The following ANKRD2 variants were observed in gnomAD, a reference collection of about 807,000 sequenced individuals.
ANKRD2 encodes the protein ankyrin repeat domain-containing protein 2.
In ANKRD2, 35 loss-of-function variants were observed where a neutral mutation model predicts 37.3. The observed-to-expected ratio is 0.94, with a 90% CI of 0.72 to 1.24. The LOEUF is 1.24. Ranked by LOEUF, ANKRD2 falls within the 50% of genes most tolerant of loss-of-function variation. ANKRD2 has a pLI of 0.00. For synonymous variants in ANKRD2, 159 were observed against 186.5 expected (o/e 0.85, Z 1.20); for missense variants, 410 against 445.6 (o/e 0.92, Z 0.72).
upstream of ANKRD2, chr10:97,572,559 G>T: frequency 2.0e-6 from 2 of 989,524 alleles, no homozygotes; most frequent in Non-Finnish European, 2.9e-6. Context: ...CCCTGCTCTT[G>T]GGACACAGTG....
chr10:97,572,684 G>A, upstream of ANKRD2: 4 of 1,588,518 alleles, frequency 2.5e-6, no homozygotes, highest in Non-Finnish European at 3.4e-6. Context: ...GGGGAGGCAG[G>A]TGGAGAATTG....
At position 97,582,361 on chromosome 10, in the gene ANKRD2, A is replaced by T; in HGVS notation, c.701A>T (p.Glu234Val). The change falls in exon 7 of 9, where the codon GAG becomes GTG. Residue 234 changes from glutamate to valine, a missense_variant. Coordinates refer to ENST00000370655, the MANE Select transcript of ANKRD2 (RefSeq NM_001346793.2). ...GTGGCAGTCCGGACAGGGCAGGTGGAGATTGTGGAGCACTTTCTATCCCTG... is the reference window on the plus strand; with the variant it reads ...GTGGCAGTCCGGACAGGGCAGGTGGTGATTGTGGAGCACTTTCTATCCCTG... ...LHVAVRTGQV[E>V]IVEHFLSLGL... The T allele has an allele frequency of 6.4e-7, 1 of 1,561,858 alleles. No individual in the cohort carries two copies. The highest frequency in any genetic ancestry group is 8.7e-7 in the Non-Finnish European group (1 of 1,152,370).
At chr10:97,578,165 A>AATG in intron 2 of ANKRD2, 75 bp from the exon 3 acceptor site, 1 of 261,862 alleles carries the variant, frequency 3.8e-6, no homozygotes, top group Non-Finnish European at 7.3e-6. Context: ...CCTCCCCACC[A>AATG]GCTTAGCTCA....
chr10:97,573,574 G>GCC (rs1200342659), intron 1 of ANKRD2, among the ~76,000 whole-genome samples: 1 of 151,998 alleles, frequency 6.6e-6, no homozygotes, highest in East Asian at 1.9e-4. Context: ...TTACAGGCAT[G>GCC]CACCACCATG....
intron 1 of ANKRD2, among the ~76,000 whole-genome samples, chr10:97,576,668 T>TTTA (rs371802494): frequency 4.3e-5 from 6 of 140,466 alleles, no homozygotes; most frequent in Non-Finnish European, 6.1e-5. Context: ...TTAAAACTTA[T>TTTA]TTTATTTATT....
upstream of ANKRD2, chr10:97,572,533 G>A (rs2040770178): frequency 5.3e-6 from 4 of 758,700 alleles, no homozygotes; most frequent in African/African-American, 1.8e-5. Context: ...GAGGCTGGAC[G>A]GGCTCCTTCC....
chr10:97,580,193 AC>A (rs2040880189), intron 4 of ANKRD2, among the ~76,000 whole-genome samples: 1 of 152,252 alleles, frequency 6.6e-6, no homozygotes, highest in African/African-American at 2.4e-5. Flanking sequence ...AAACAAAAAA[AC>A]AGACCAGGGT....
chr10:97,572,708 A>G (rs764526377), upstream of ANKRD2: 1 of 1,603,246 alleles, frequency 6.2e-7, no homozygotes, highest in Non-Finnish European at 8.5e-7. Context: ...CAGTGAGCTC[A>G]TGGCAAAGGC....
At position 97,577,814 on chromosome 10, in the gene ANKRD2, C is replaced by A. The variant is rs774913027; in HGVS notation, c.102C>A (p.Asp34Glu). The A allele has an allele frequency of 1.3e-6, 2 of 1,565,030 alleles. No individual in the cohort carries two copies. Among genetic ancestry groups the A allele is most frequent in the Non-Finnish European group, 1.7e-6 (2 of 1,154,560 alleles). ...QEEENEKLRG[D>E]ARQKLPMDLL... ...TGGATCACCAGAAACTCCGAGGAGA[C>A]GCACGCCAGAAGCTGCCCATGGACT... The change falls in exon 2 of 9, where the codon GAC (aspartate) becomes GAA (glutamate). Residue 34 changes from aspartate to glutamate, a missense_variant. Transcript: ENST00000370655.
At chr10:97,574,912 A>ACAGACACACAGTGCTGCCAATAGTCC (rs139298969) in intron 1 of ANKRD2, among the ~76,000 whole-genome samples, 2,262 of 152,276 alleles carry the variant, frequency 0.015, 52 homozygotes, top group African/African-American at 0.052. Flanking sequence ...AGACACACAG[A>ACAGACACACAGTGCTGCCAATAGTCC]CCTTCAGCAA....
chr10:97,579,934 C>A (rs1382403823), intron 4 of ANKRD2, among the ~76,000 whole-genome samples: 1 of 152,172 alleles, frequency 6.6e-6, no homozygotes, highest in Non-Finnish European at 1.5e-5. Context: ...CATCACCCAT[C>A]ATACTTCTTT....
intron 1 of ANKRD2, 45 bp downstream of exon 1, chr10:97,572,920 A>T: frequency 6.5e-7 from 1 of 1,531,578 alleles, no homozygotes; most frequent in Non-Finnish European, 8.8e-7. Flanking sequence ...GAGGAGATCC[A>T]GTTCTGCTGT....
rs753150165 is a variant in ANKRD2 at position 97,580,877 on chromosome 10, G to A, written c.479G>A (p.Arg160Gln). The change falls in exon 5 of 9, where the codon CGA (arginine) becomes CAA (glutamine). Residue 160 changes from arginine (R) to glutamine (Q), a missense_variant. Transcript: ENST00000370655. ...CDQFRRTALH[R>Q]ASLEGHMEIL... Reference sequence around the variant, plus strand: ...CAGTTCCGTCGGACAGCACTGCACCGAGCTTCCCTGGAAGGCCACATGGAA... The same window carrying A: ...CAGTTCCGTCGGACAGCACTGCACCAAGCTTCCCTGGAAGGCCACATGGAA... 41 of 1,611,160 alleles carry A rather than the reference G, an allele frequency of 2.5e-5. No individual in the cohort carries two copies. The highest frequency in any genetic ancestry group is 3.4e-5 in the Non-Finnish European group (40 of 1,179,010).
chr10:97,583,802 C>G lies in ANKRD2; in HGVS notation c.*77C>G. ...AGGGTCCTAAGAATGGCTCCCGGAG[C>G]TAACTGAGGGCCCAGCCTTTTTTCT... On this transcript the variant is annotated 3_prime_UTR_variant, in exon 9 of 9. Coordinates refer to ENST00000370655, the MANE Select transcript of ANKRD2 (RefSeq NM_001346793.2). The G allele has an allele frequency of 7.2e-7, 1 of 1,393,396 alleles. No individual in the cohort carries two copies. The highest frequency in any genetic ancestry group is 9.4e-7 in the Non-Finnish European group (1 of 1,066,464). 86.3% of individuals were successfully genotyped at this position (1,393,396 alleles called of 1,614,324 possible).
At chr10:97,572,965 G>A (rs1030463022) in intron 1 of ANKRD2, 90 bp downstream of exon 1, 108 of 1,468,248 alleles carry the variant, frequency 7.4e-5, no homozygotes, top group Non-Finnish European at 9.7e-5. Context: ...TACACCTGTG[G>A]TGGGGAGGGG....
Position 97,578,405 on chromosome 10 carries a change from G to A in ANKRD2, c.348+7G>A. On this transcript the variant is annotated splice_region_variant and intron_variant, in intron 3 of 8. Coordinates refer to ENST00000370655, the MANE Select transcript of ANKRD2 (RefSeq NM_001346793.2). ...CCCAGAGCCCGAGGAGATCGTAAGG[G>A]TCCTGGGGAGGACACCGCGAGGGGG... 4 of 1,613,688 alleles carry A rather than the reference G, an allele frequency of 2.5e-6. No homozygotes were observed. The highest frequency in any genetic ancestry group is 3.4e-6 in the Non-Finnish European group (4 of 1,179,796).
chr10:97,572,525 G>A (rs762679689), upstream of ANKRD2: 128 of 723,496 alleles, frequency 1.8e-4, no homozygotes, highest in Non-Finnish European at 2.7e-4. Context: ...TCAGGACAGA[G>A]GCTGGACGGG....
At chr10:97,579,309 T>TC (rs1479876617) in intron 4 of ANKRD2, among the ~76,000 whole-genome samples, 2 of 138,546 alleles carry the variant, frequency 1.4e-5, no homozygotes, top group African/African-American at 5.9e-5. Flanking sequence ...GTACTGTACT[T>TC]TTTTTTTTTT....
rs183535502 is a variant in ANKRD2 at position 97,574,408 on chromosome 10, T to C, written c.87+1533T>C. ...CTCAGGAAATGCAGGAGCTGAAGTT[T>C]CCATGAGTGAAAGCGTGGCTGTCTT... is the stretch of plus-strand genomic sequence containing the variant. On this transcript the variant is annotated intron_variant, in intron 1 of 8. Transcript: ENST00000370655. Among the ~76,000 whole-genome samples, 462 of 152,292 alleles carry C rather than the reference T, an allele frequency of 3.0e-3. 2 individuals carry two copies. The highest frequency in any genetic ancestry group is 5.4e-3 in the Non-Finnish European group (369 of 68,020).
Sources: gnomAD v4.1 joint callset for allele counts (sites outside exome capture counted in the v4.1 genomes callset) on GRCh38, gnomAD v4.1.1 for gene constraint, MANE v1.5 for transcripts, NCBI Gene and HGNC (gene_info 2026-07-23, HGNC 2026-07-21) for gene names.